The following LYST variants were observed in gnomAD, a reference collection of about 807,000 sequenced individuals.
The protein encoded by LYST is lysosomal trafficking regulator.
A neutral mutation model predicts 413.6 loss-of-function variants in LYST; 192 were observed. The ratio of observed to expected loss-of-function variants is 0.46; its 90% CI spans 0.41 to 0.52. The LOEUF (loss-of-function observed/expected upper bound fraction) is 0.52, where lower values mean the gene tolerates loss of function less well. Among genes scored for constraint, LYST ranks in the 20% least tolerant of loss-of-function variants. The pLI is 0.00. For missense variants in LYST, 3,815 were observed against 4,499.9 expected, an observed-to-expected ratio of 0.85 and a Z score of 4.35; for synonymous variants, 1,525 against 1,567.3, an observed-to-expected ratio of 0.97 and a Z score of 0.64.
In LYST at chr1:235,720,914, G is replaced by T; in HGVS notation, c.9316-9C>A. ...TATACATCATCACGAACCTAAAAGG[G>T]AAGGAGAAGAAAAAAACCCAGATAT... is the stretch of plus-strand genomic sequence containing the variant. On this transcript the variant is annotated splice_polypyrimidine_tract_variant and intron_variant, in intron 39 of 52. Coordinates refer to ENST00000389793, the MANE Select transcript of LYST (RefSeq NM_000081.4). 6.2e-7 allele frequency: 1 copy of T among 1,612,682 alleles called. No individual in the cohort carries two copies. The highest frequency in any genetic ancestry group is 8.5e-7 in the Non-Finnish European group (1 of 1,179,120).
At chr1:235,666,255 C>T (rs1658449745) in intron 50 of LYST, among the ~76,000 whole-genome samples, 1 of 149,872 alleles carries the variant, frequency 6.7e-6, no homozygotes, top group Non-Finnish European at 1.5e-5. Flanking sequence ...CACACACACA[C>T]ACACACACAC....
chr1:235,765,045 T>A (rs1433237111), intron 21 of LYST, among the ~76,000 whole-genome samples: 1 of 152,188 alleles, frequency 6.6e-6, no homozygotes, highest in African/African-American at 2.4e-5. Context: ...TTGCTCTACT[T>A]TTCTTCAGTG....
rs1659474288 is a variant in LYST, at chr1:235,677,472, T to C, written c.10940+8A>G. The stretch of plus-strand genomic sequence containing the variant: ...TGCTATGTTTGATTTGGAGACCTTC[T>C]TCTGTACCTGTTTAAATCCCATATG... On this transcript the variant is annotated splice_region_variant and intron_variant, in intron 49 of 52. Transcript: ENST00000389793. 1.2e-6 allele frequency: 2 copies of C among 1,613,562 alleles called. No individual in the cohort carries two copies. The highest frequency in any genetic ancestry group is 1.7e-6 in the Non-Finnish European group (2 of 1,179,600).
At chr1:235,697,421 T>C in intron 45 of LYST, 149 bp from the exon 46 acceptor site, 1 of 629,924 alleles carries the variant, frequency 1.6e-6, no homozygotes, top group Non-Finnish European at 2.8e-6. Flanking sequence ...TTTTTTTTAC[T>C]TCCCCATGCT....
chr1:235,757,130 T>C, intron 24 of LYST, 151 bp downstream of exon 24: 1 of 540,032 alleles, frequency 1.9e-6, no homozygotes, highest in Admixed American at 3.6e-5. Context: ...TTTAAAAATA[T>C]ATGAGTATTA....
Position 235,758,990 on chromosome 1 carries a change from C to T in LYST, c.6863G>A (p.Arg2288Gln), listed in dbSNP as rs772296728. 31 of 1,613,768 alleles carry T rather than the reference C, an allele frequency of 1.9e-5. No homozygotes were observed. Among genetic ancestry groups the T allele is most frequent in the Admixed American group, 1.2e-4 (7 of 59,978 alleles). Residue 2288 changes from arginine (R) to glutamine (Q), a missense_variant, in exon 23 of 53, where the codon CGA becomes CAA. Arg to Gln is a conservative substitution (Grantham distance 43). Coordinates refer to ENST00000389793, the MANE Select transcript of LYST (RefSeq NM_000081.4). ...YSLGYEPNYNRTASAHSVTED... is the reference protein window; with the variant it reads ...YSLGYEPNYNQTASAHSVTED... ...TAAGTACCTGTGAGCACTTGCAGTTCGGTTGTAATTTGGCTCATAACCAAG... is the reference window on the plus strand; with the variant it reads ...TAAGTACCTGTGAGCACTTGCAGTTTGGTTGTAATTTGGCTCATAACCAAG...
intron 24 of LYST, among the ~76,000 whole-genome samples, chr1:235,756,993 T>C (rs1332282884): frequency 3.3e-5 from 5 of 152,150 alleles, no homozygotes; most frequent in Admixed American, 3.3e-4. Context: ...TGGGGATTTA[T>C]TGGTAGATTT....
chr1:235,766,386 A>G lies in LYST; in HGVS notation c.5923-109T>C, dbSNP rs556791141. 67 of 744,230 alleles carry G rather than the reference A, an allele frequency of 9.0e-5. No individual in the cohort carries two copies. The African/African-American group carries it at 9.0e-4, about 10-fold the overall frequency. 46.1% of individuals were successfully genotyped at this position (744,230 alleles called of 1,614,324 possible). ...TAAGATAGAATTCTGTTGGTTTACT[A>G]CTCTAGTCTGATCATACTTACCATT... On this transcript the variant is annotated intron_variant, in intron 20 of 52. Coordinates refer to ENST00000389793, the MANE Select transcript of LYST (RefSeq NM_000081.4).
At chr1:235,828,244 A>C (rs1675556386) in intron 3 of LYST, 1 of 749,942 alleles carries the variant, frequency 1.3e-6, no homozygotes, top group Non-Finnish European at 1.6e-6. Context: ...TAGAAAGTAG[A>C]TTAGTGTTTG....
intron 1 of LYST, among the ~76,000 whole-genome samples, chr1:235,855,793 G>A (rs1429126506): frequency 6.6e-6 from 1 of 151,998 alleles, no homozygotes; most frequent in Admixed American, 6.5e-5. Flanking sequence ...AATACACCTT[G>A]CACGTATAGA....
rs552465453 is a variant in LYST at position 235,727,993 on chromosome 1, T to C, written c.9162+83A>G. ...ACAAAGAATGAACTCTAATAGTTCTTCCTTCTCTCTAGTTATACTGAATTG... is the reference window on the plus strand; with the variant it reads ...ACAAAGAATGAACTCTAATAGTTCTCCCTTCTCTCTAGTTATACTGAATTG... On this transcript the variant is annotated intron_variant, in intron 38 of 52. Coordinates refer to ENST00000389793, the MANE Select transcript of LYST (RefSeq NM_000081.4). 146 of 987,612 alleles carry C rather than the reference T, an allele frequency of 1.5e-4. 1 individual carries two copies. The South Asian group carries it at 1.5e-3, about 10-fold the overall frequency. The allele number at this position is 987,612 out of a possible 1,614,324, so 61.2% of individuals were successfully genotyped here. A position where few individuals can be genotyped will look rare whatever the true frequency, so the allele number is the denominator to read the frequency against.
Position 235,674,918 on chromosome 1 carries a change from C to T in LYST, c.11038+2173G>A, listed in dbSNP as rs144184250. On this transcript the variant is annotated intron_variant, in intron 50 of 52. Coordinates refer to ENST00000389793, the MANE Select transcript of LYST (RefSeq NM_000081.4). The surrounding 1 kb of genome is among the most constrained non-coding windows in gnomAD (Gnocchi z 4.1). ...CCCCCTTGCAATTGTTATCAGTGTA[C>T]TCATTCTTGTAAGTTGCTGCATCAT... Among the ~76,000 whole-genome samples, 426 of 152,256 alleles carry T rather than the reference C, an allele frequency of 2.8e-3. 1 individual carries two copies. The highest frequency in any genetic ancestry group is 6.8e-3 in the Middle Eastern group (2 of 294).
rs764217919 is a variant in LYST at position 235,759,614 on chromosome 1, T to C, written c.6254-15A>G. ...GGAATTCTCTCCTGGTAAGAGTAGA[T>C]ACAAAAATACTACTTAAAAATCTAT... On this transcript the variant is annotated splice_polypyrimidine_tract_variant and intron_variant, in intron 22 of 52. Transcript: ENST00000389793. 1.3e-6 allele frequency: 2 copies of C among 1,595,670 alleles called. No homozygotes were observed. The highest frequency in any genetic ancestry group is 8.6e-7 in the Non-Finnish European group (1 of 1,163,616).
Position 235,751,243 on chromosome 1 carries a change from G to A in LYST, c.7747C>T (p.His2583Tyr), listed in dbSNP as rs1359810715. The part of the protein sequence containing the change: ...DSLQSPSAPH[H>Y]AVVQKRKSIA... Reference sequence around the variant, plus strand: ...CTTTTCCGCTTTTGAACTACTGCATGATGGGGAGCAGAAGGTGACTGGAGT... The same window carrying A: ...CTTTTCCGCTTTTGAACTACTGCATAATGGGGAGCAGAAGGTGACTGGAGT... The change falls in exon 28 of 53, where the codon CAT becomes TAT. Residue 2583 changes from histidine to tyrosine, a missense_variant. By Grantham distance (83) the His-to-Tyr change is moderately conservative (BLOSUM62 2). Around this residue, in one of 4 missense-constraint regions of LYST, gnomAD observed 771 missense variants for 837.1 expected, o/e 0.92. Transcript: ENST00000389793. 6.2e-7 allele frequency: 1 copy of A among 1,613,814 alleles called. No individual in the cohort carries two copies. Among genetic ancestry groups the A allele is most frequent in the Non-Finnish European group, 8.5e-7 (1 of 1,179,746 alleles).
At chr1:235,681,859 T>C (rs2103046070) in intron 48 of LYST, among the ~76,000 whole-genome samples, 1 of 152,314 alleles carries the variant, frequency 6.6e-6, no homozygotes, top group African/African-American at 2.4e-5. Flanking sequence ...TTTTATATTC[T>C]GTGTAATTTT....
At position 235,757,388 on chromosome 1, in the gene LYST, G is replaced by C. The variant is rs753067671; in HGVS notation, c.6952C>G (p.Leu2318Val). 1.2e-6 allele frequency: 2 copies of C among 1,613,394 alleles called. No homozygotes were observed. Among genetic ancestry groups the C allele is most frequent in the Admixed American group, 3.3e-5 (2 of 59,958 alleles). ...YELLSGVLLILPDVLLEDVMD... is the reference protein window; with the variant it reads ...YELLSGVLLIVPDVLLEDVMD... ...ACATCTTCAAGCAAAACATCAGGCA[G>C]GATAAGAAGAACCCCACTTAGGAGT... Residue 2318 changes from leucine to valine, a missense_variant, in exon 24 of 53, where the codon CTG becomes GTG. This residue lies in a region of LYST where 771 missense variants were observed against 837.1 expected (regional missense o/e 0.92). Transcript: ENST00000389793.
chr1:235,874,337 C>T (rs1287099653), intron 1 of LYST, among the ~76,000 whole-genome samples: 1 of 152,174 alleles, frequency 6.6e-6, no homozygotes, highest in Non-Finnish European at 1.5e-5. Context: ...GAATGAAAGA[C>T]ATTCTGGGTC....
intron 43 of LYST, among the ~76,000 whole-genome samples, chr1:235,710,903 C>T (rs537898029): frequency 1.3e-5 from 2 of 152,244 alleles, no homozygotes; most frequent in Admixed American, 1.3e-4. Flanking sequence ...CACAGAGAGA[C>T]CACATGAAAA....
chr1:235,765,998 T>C (rs1668107660), intron 21 of LYST, 81 bp downstream of exon 21: 2 of 1,084,482 alleles, frequency 1.8e-6, no homozygotes, highest in African/African-American at 1.5e-5. Flanking sequence ...GCCATTCAAA[T>C]GTCAAACAAA....
Sources: gnomAD v4.1 joint callset for allele counts (sites outside exome capture counted in the v4.1 genomes callset) on GRCh38, gnomAD v4.1.1 for gene constraint, gnomAD v4.1.1 regional missense constraint, Gnocchi (gnomAD v3.1) non-coding constraint, MANE v1.5 for transcripts, NCBI Gene and HGNC (gene_info 2026-07-23, HGNC 2026-07-21) for gene names.